Variants in NRG1 observed in about 807,000 individuals in gnomAD.
NRG1 encodes the protein pro-neuregulin-1, membrane-bound isoform.
In NRG1, 18 loss-of-function variants were observed where a neutral mutation model predicts 63.8. The observed-to-expected ratio is 0.28, with a 90% CI of 0.19 to 0.42. The LOEUF is 0.42. NRG1 is among the 10% of genes least tolerant of loss of function. The pLI is 1.00. For missense variants in NRG1, 762 were observed against 814.7 expected (o/e 0.94, Z 0.79); for synonymous variants, 302 against 301.3 (o/e 1.00, Z -0.02).
At chr8:32,428,319 G>A (rs895692908) in intron 1 of NRG1, among the ~76,000 whole-genome samples, 18 of 149,766 alleles carry the variant, frequency 1.2e-4, no homozygotes, top group Admixed American at 4.1e-4. Context: ...AGTCCTAGTA[G>A]CATTGTTTTA....
At chr8:32,606,856 A>C (rs1275121645) in intron 3 of NRG1, among the ~76,000 whole-genome samples, 1 of 152,106 alleles carries the variant, frequency 6.6e-6, no homozygotes, top group Non-Finnish European at 1.5e-5. Flanking sequence ...TTAAGGGTTA[A>C]TTCTATGGGA....
At chr8:32,275,677 A>C (rs768759586) in intron 1 of NRG1, among the ~76,000 whole-genome samples, 1 of 152,128 alleles carries the variant, frequency 6.6e-6, no homozygotes. Context: ...CCGTACGTCA[A>C]ATTATGGAGG....
intron 1 of NRG1, among the ~76,000 whole-genome samples, chr8:31,895,288 T>C (rs931662544): frequency 6.6e-6 from 1 of 152,264 alleles, no homozygotes; most frequent in Admixed American, 6.5e-5. Context: ...GGGGTTTTTG[T>C]GTTACCCACA....
chr8:32,338,577 C>A (rs1349747884), intron 1 of NRG1, among the ~76,000 whole-genome samples: 1 of 152,084 alleles, frequency 6.6e-6, no homozygotes, highest in African/African-American at 2.4e-5. Context: ...CACGTGGACT[C>A]TCTTCTCAAA....
intron 1 of NRG1, among the ~76,000 whole-genome samples, chr8:32,415,005 T>G (rs1815660048): frequency 6.6e-6 from 1 of 152,174 alleles, no homozygotes; most frequent in Non-Finnish European, 1.5e-5. Context: ...TGGGTTTTAT[T>G]TCAAAGTCAC....
intron 1 of NRG1, among the ~76,000 whole-genome samples, chr8:32,169,572 A>G (rs1839784541): frequency 6.6e-6 from 1 of 152,176 alleles, no homozygotes; most frequent in African/African-American, 2.4e-5. Flanking sequence ...AAGTGGCTGA[A>G]ATTGAAGGAT....
intron 1 of NRG1, among the ~76,000 whole-genome samples, chr8:32,358,367 TGAAAAA>T (rs1806739576): frequency 1.7e-5 from 1 of 59,398 alleles, no homozygotes. Flanking sequence ...ATGCCATTTA[TGAAAAA>T]AAAAAAAAAA....
intron 1 of NRG1, among the ~76,000 whole-genome samples, chr8:32,142,863 A>T (rs1836433846): frequency 6.6e-6 from 1 of 152,224 alleles, no homozygotes; most frequent in South Asian, 2.1e-4. Context: ...GAGTCCAGTG[A>T]AAAGAATACG....
intron 1 of NRG1, among the ~76,000 whole-genome samples, chr8:31,921,173 C>T (rs925777243): frequency 2.0e-5 from 3 of 152,106 alleles, no homozygotes; most frequent in African/African-American, 7.2e-5. Flanking sequence ...TGAAATGCAT[C>T]AATTTTAAAT....
chr8:32,281,240 C>T (rs184522010), intron 1 of NRG1, among the ~76,000 whole-genome samples: 7 of 127,858 alleles, frequency 5.5e-5, no homozygotes, highest in South Asian at 2.6e-4. Context: ...TGCAGTGGTG[C>T]GATCTCAGCT....
intron 1 of NRG1, among the ~76,000 whole-genome samples, chr8:31,967,615 C>T (rs1806571100): frequency 6.6e-6 from 1 of 152,122 alleles, no homozygotes; most frequent in Admixed American, 6.5e-5. Flanking sequence ...TCCAAAATTC[C>T]ATGAAAACCA....
intron 1 of NRG1, among the ~76,000 whole-genome samples, chr8:32,455,335 C>T (rs1239340302): frequency 6.6e-6 from 1 of 152,128 alleles, no homozygotes; most frequent in African/African-American, 2.4e-5. Context: ...ACTAAACCAT[C>T]CTTTTTATGC....
rs1817978250 is a variant in NRG1, at chr8:32,430,419, CTGTT to C, written c.38-165407_38-165404del. Among the ~76,000 whole-genome samples, 3 of 152,218 alleles carry C rather than the reference CTGTT, an allele frequency of 2.0e-5. No homozygotes were observed. The South Asian group carries it at 6.2e-4, about 32-fold the overall frequency. ...TTTTTCCTAAAACAAGCCTGGCAAA[CTGTT>C]TAAGAACACATGTGCAGAGCTTGGG... On this transcript the variant is annotated intron_variant, in intron 1 of 10. Transcript: ENST00000519301.
chr8:31,749,859 A>G (rs141001445), intron 1 of NRG1, among the ~76,000 whole-genome samples: 1 of 148,766 alleles, frequency 6.7e-6, no homozygotes, highest in African/African-American at 2.4e-5. Context: ...ATATTTTAAA[A>G]TCTGTTTGTT....
chr8:32,268,865 T>C (rs1249471120), intron 1 of NRG1, among the ~76,000 whole-genome samples: 2 of 152,112 alleles, frequency 1.3e-5, no homozygotes, highest in Non-Finnish European at 2.9e-5. Flanking sequence ...GAAGGACGGG[T>C]AAATCAGAGT....
intron 5 of NRG1, among the ~76,000 whole-genome samples, chr8:32,694,812 A>C (rs148943858): frequency 3.9e-5 from 6 of 152,318 alleles, no homozygotes; most frequent in Admixed American, 1.3e-4. Flanking sequence ...CTCATTTTAC[A>C]GATTAGAATA....
intron 1 of NRG1, among the ~76,000 whole-genome samples, chr8:31,926,877 C>G (rs1457451341): frequency 6.6e-6 from 1 of 152,116 alleles, no homozygotes; most frequent in African/African-American, 2.4e-5. Context: ...TTTTCTGGGT[C>G]TTGGTATCTG....
At chr8:32,683,968 G>A (rs1271867284) in intron 5 of NRG1, among the ~76,000 whole-genome samples, 2 of 151,812 alleles carry the variant, frequency 1.3e-5, no homozygotes, top group Non-Finnish European at 2.9e-5. Flanking sequence ...GCTGAGATGG[G>A]TGGATCACTT....
chr8:32,348,038 G>A (rs528872127), intron 1 of NRG1, among the ~76,000 whole-genome samples: 5 of 152,228 alleles, frequency 3.3e-5, no homozygotes, highest in Middle Eastern at 3.4e-3. Context: ...TAACCAAATT[G>A]TTGAGTGTCC....
Sources: gnomAD v4.1 joint callset for allele counts (sites outside exome capture counted in the v4.1 genomes callset) on GRCh38, gnomAD v4.1.1 for gene constraint, MANE v1.5 for transcripts, NCBI Gene and HGNC (gene_info 2026-07-23, HGNC 2026-07-21) for gene names.